The following HTR4 variants were observed in gnomAD, a reference collection of about 807,000 sequenced individuals.
The protein encoded by HTR4 is 5-hydroxytryptamine (serotonin) receptor 4, G protein-coupled.
Under a neutral mutation model 36.8 loss-of-function variants are expected in HTR4, and 16 were observed. The ratio of observed to expected loss-of-function variants is 0.43; its 90% CI spans 0.29 to 0.66. The LOEUF is 0.66. Among genes scored for constraint, HTR4 ranks in the 30% least tolerant of loss-of-function variants. HTR4 has a pLI of 0.13. For missense variants in HTR4, 438 were observed against 490.9 expected (o/e 0.89, Z 1.02); for synonymous variants, 189 against 185.1 (o/e 1.02, Z -0.17).
At chr5:148,523,390 G>T (rs776982804) in intron 4 of HTR4, 44 bp from the exon 5 acceptor site, 6 of 1,506,714 alleles carry the variant, frequency 4.0e-6, no homozygotes, top group Non-Finnish European at 5.4e-6. Context: ...GGGCAAGGAG[G>T]AATGGGAGGG....
chr5:148,549,875 T>C (rs538005694), intron 3 of HTR4, among the ~76,000 whole-genome samples: 1 of 152,216 alleles, frequency 6.6e-6, no homozygotes, highest in Admixed American at 6.5e-5. Context: ...TCAACAATTG[T>C]ATATATAGTG....
chr5:148,613,920 T>C (rs1302041947), intron 2 of HTR4, among the ~76,000 whole-genome samples: 5 of 152,110 alleles, frequency 3.3e-5, no homozygotes, highest in Non-Finnish European at 7.3e-5. Flanking sequence ...ATGAGTGAAC[T>C]CCCATTCACA....
intron 6 of HTR4, among the ~76,000 whole-genome samples, chr5:148,508,144 T>C (rs1017736608): frequency 6.6e-6 from 1 of 152,170 alleles, no homozygotes; most frequent in African/African-American, 2.4e-5. Context: ...CTTTTCTTCT[T>C]TTCTTACACA....
chr5:148,503,082 A>G (rs1183930598), intron 6 of HTR4, among the ~76,000 whole-genome samples: 2 of 152,234 alleles, frequency 1.3e-5, no homozygotes, highest in African/African-American at 4.8e-5. Context: ...GATATTATCC[A>G]GGAGAACTTC....
intron 6 of HTR4, among the ~76,000 whole-genome samples, chr5:148,503,057 GA>G (rs1457102298): frequency 1.4e-4 from 22 of 152,172 alleles, no homozygotes; most frequent in African/African-American, 5.1e-4. Flanking sequence ...AACCAAGTTG[GA>G]AAACACTCTG....
chr5:148,544,414 T>C (rs1759281921), intron 4 of HTR4, among the ~76,000 whole-genome samples: 1 of 152,144 alleles, frequency 6.6e-6, no homozygotes, highest in Admixed American at 6.5e-5. Flanking sequence ...ATGCTAAACA[T>C]TAGAGTCTGC....
At chr5:148,488,472 A>G (rs1034023264) in intron 6 of HTR4, among the ~76,000 whole-genome samples, 1 of 152,228 alleles carries the variant, frequency 6.6e-6, no homozygotes, top group African/African-American at 2.4e-5. Context: ...CATCTTCTCT[A>G]TATAGTTTTG....
chr5:148,647,787 T>C (rs1753917551), intron 1 of HTR4, among the ~76,000 whole-genome samples: 2 of 152,180 alleles, frequency 1.3e-5, no homozygotes, highest in Non-Finnish European at 2.9e-5. Flanking sequence ...AGGCGAAGGT[T>C]TCAGTGAGCT....
chr5:148,625,428 T>TA (rs1361870161), intron 2 of HTR4, among the ~76,000 whole-genome samples: 3 of 152,210 alleles, frequency 2.0e-5, no homozygotes, highest in Admixed American at 6.5e-5. Context: ...TTTGTAGCTT[T>TA]AAAAAATACA....
intron 2 of HTR4, among the ~76,000 whole-genome samples, chr5:148,588,698 G>T (rs1393202502): frequency 6.7e-6 from 1 of 150,322 alleles, no homozygotes; most frequent in East Asian, 1.9e-4. Flanking sequence ...CCGCCACCGC[G>T]CCCGGCTAAT....
At chr5:148,530,619 G>A (rs1039271649) in intron 4 of HTR4, among the ~76,000 whole-genome samples, 1 of 152,216 alleles carries the variant, frequency 6.6e-6, no homozygotes, top group African/African-American at 2.4e-5. Flanking sequence ...CTGCAGATGG[G>A]AAAAGTGGGG....
chr5:148,637,307 C>T (rs940160149), intron 1 of HTR4, among the ~76,000 whole-genome samples: 35 of 152,120 alleles, frequency 2.3e-4, no homozygotes, highest in African/African-American at 8.2e-4. Context: ...CTTCTTTTTG[C>T]TCCATTTATT....
intron 2 of HTR4, among the ~76,000 whole-genome samples, chr5:148,559,692 C>T (rs541462137): frequency 1.1e-4 from 16 of 152,190 alleles, no homozygotes; most frequent in South Asian, 8.3e-4. Flanking sequence ...TCAATGACTG[C>T]GAGCTAGCTT....
intron 4 of HTR4, among the ~76,000 whole-genome samples, chr5:148,529,639 T>C (rs1758456617): frequency 6.6e-6 from 1 of 152,178 alleles, no homozygotes; most frequent in African/African-American, 2.4e-5. Flanking sequence ...TACAGTAAAT[T>C]GGTACCAGGA....
chr5:148,523,797 A>G (rs575890433), intron 4 of HTR4, among the ~76,000 whole-genome samples: 39 of 152,098 alleles, frequency 2.6e-4, no homozygotes, highest in Non-Finnish European at 4.1e-4. Context: ...CACTGTTCCA[A>G]CACTATCCCG....
At chr5:148,648,434 G>A (rs1753937238) in intron 1 of HTR4, among the ~76,000 whole-genome samples, 1 of 152,210 alleles carries the variant, frequency 6.6e-6, no homozygotes, top group South Asian at 2.1e-4. Flanking sequence ...AAGCATCAGA[G>A]TCCAAGAGAG....
chr5:148,497,874 T>G (rs1756757349), intron 6 of HTR4, among the ~76,000 whole-genome samples: 1 of 152,234 alleles, frequency 6.6e-6, no homozygotes, highest in Non-Finnish European at 1.5e-5. Flanking sequence ...AAATAATTCA[T>G]GTTTAGAAGC....
downstream of HTR4, among the ~76,000 whole-genome samples, chr5:148,480,715 A>G (rs1755851971): frequency 2.0e-5 from 3 of 152,156 alleles, no homozygotes; most frequent in Non-Finnish European, 1.5e-5. Context: ...CTGGTTTGGC[A>G]TTTACCTTCC....
At position 148,482,130 on chromosome 5, in the gene HTR4, G is replaced by T; in HGVS notation, c.*1073C>A. 1.0e-6 allele frequency: 1 copy of T among 986,026 alleles called. No homozygotes were observed. Among genetic ancestry groups the T allele is most frequent in the Non-Finnish European group, 1.2e-6 (1 of 830,442 alleles). 61.1% of individuals were successfully genotyped at this position (986,026 alleles called of 1,614,324 possible). ...CCAGGGCGGCAATTTGGGTCCTCTGGCTTCAAGTACAGCATTGCCTCGGCA... is the reference window on the plus strand; with the variant it reads ...CCAGGGCGGCAATTTGGGTCCTCTGTCTTCAAGTACAGCATTGCCTCGGCA... On this transcript the variant is annotated 3_prime_UTR_variant, in exon 7 of 7. Coordinates refer to ENST00000377888, the MANE Select transcript of HTR4 (RefSeq NM_000870.7).
Sources: gnomAD v4.1 joint callset for allele counts (sites outside exome capture counted in the v4.1 genomes callset) on GRCh38, gnomAD v4.1.1 for gene constraint, MANE v1.5 for transcripts, NCBI Gene and HGNC (gene_info 2026-07-23, HGNC 2026-07-21) for gene names.